The following TRIQK variants were observed in gnomAD, a reference collection of about 807,000 sequenced individuals.
TRIQK encodes the protein triple QxxK/R motif-containing protein.
TRIQK carries 10 observed loss-of-function variants against 10.8 expected under a neutral mutation model. That is an observed-to-expected ratio of 0.92 (90% CI 0.57 to 1.57). The LOEUF (loss-of-function observed/expected upper bound fraction) is 1.57. Among genes scored for constraint, TRIQK ranks in the 40% most tolerant of loss-of-function variants. The pLI, the probability that TRIQK is intolerant of heterozygous loss-of-function variation, is 0.00. For missense variants in TRIQK, 107 were observed against 97.7 expected, an observed-to-expected ratio of 1.09 and a Z score of -0.40; for synonymous variants, 33 against 33.7, an observed-to-expected ratio of 0.98 and a Z score of 0.07.
chr8:92,883,603 G>A lies in TRIQK; in HGVS notation c.*3019C>T, dbSNP rs1816316299. ...TTTATCATTTACACAAAGAAACTGT[G>A]ACAGACTCTGAGAGGACTAAAAGGC... is the stretch of plus-strand genomic sequence containing the variant. On this transcript the variant is annotated 3_prime_UTR_variant, in exon 5 of 5. Transcript: ENST00000521988. 6.6e-6 allele frequency: 1 copy of A among 151,606 alleles called. No homozygotes were observed. The highest frequency in any genetic ancestry group is 1.5e-5 in the Non-Finnish European group (1 of 67,766). The allele number at this position is 151,606 out of a possible 1,614,324, so 9.4% of individuals were successfully genotyped here.
chr8:92,885,925 A>C lies in TRIQK; in HGVS notation c.*697T>G, dbSNP rs1223225417. 6.6e-6 allele frequency: 1 copy of C among 151,734 alleles called. No individual in the cohort carries two copies. Among genetic ancestry groups the C allele is most frequent in the Non-Finnish European group, 1.5e-5 (1 of 67,794 alleles). The allele number at this position is 151,734 out of a possible 1,614,324, so 9.4% of individuals were successfully genotyped here. On this transcript the variant is annotated 3_prime_UTR_variant, in exon 5 of 5. Transcript: ENST00000521988. The stretch of plus-strand genomic sequence containing the variant: ...AATAGAATTCCAAGGTTATATTAAT[A>C]GAGTAATAAGTTAATTAAAACCAAG...
At chr8:92,995,286 C>T (rs1345923437) in intron 1 of TRIQK, among the ~76,000 whole-genome samples, 3 of 151,976 alleles carry the variant, frequency 2.0e-5, no homozygotes, top group Non-Finnish European at 4.4e-5. Flanking sequence ...AGTTCAATGC[C>T]ACTCTGATTC....
At chr8:92,900,351 A>G (rs936655634) in intron 3 of TRIQK, among the ~76,000 whole-genome samples, 1 of 152,090 alleles carries the variant, frequency 6.6e-6, no homozygotes, top group South Asian at 2.1e-4. Context: ...AGTTTCCCCA[A>G]TGATTTCCTT....
At chr8:92,992,954 G>A (rs1345244562) in intron 1 of TRIQK, among the ~76,000 whole-genome samples, 1 of 152,178 alleles carries the variant, frequency 6.6e-6, no homozygotes, top group African/African-American at 2.4e-5. Context: ...CCAGTCAGGA[G>A]AAGAATTGAG....
chr8:92,947,418 A>C lies in TRIQK; in HGVS notation c.-22+6988T>G, dbSNP rs189441482. Among the ~76,000 whole-genome samples the C allele has an allele frequency of 7.9e-5, 12 of 151,688 alleles. 1 individual carries two copies. Among genetic ancestry groups the C allele is most frequent in the African/African-American group, 2.9e-4 (12 of 41,378 alleles). On this transcript the variant is annotated intron_variant, in intron 2 of 4. Coordinates refer to ENST00000521988, the MANE Select transcript of TRIQK (RefSeq NM_001171797.2). Reference sequence around the variant, plus strand: ...GCCAATATGGTGAAACCCTGTCTCTACTAAAAATACAAAAAATTAGCTAGG... The same window carrying C: ...GCCAATATGGTGAAACCCTGTCTCTCCTAAAAATACAAAAAATTAGCTAGG...
intron 3 of TRIQK, among the ~76,000 whole-genome samples, chr8:92,905,500 A>G (rs1193569058): frequency 6.6e-6 from 1 of 152,166 alleles, no homozygotes; most frequent in African/African-American, 2.4e-5. Flanking sequence ...ATTGCGATGG[A>G]GTATATAAAA....
At chr8:92,917,032 T>C (rs1322971621) in intron 2 of TRIQK, 22 bp from the exon 3 acceptor site, 1 of 1,438,230 alleles carries the variant, frequency 7.0e-7, no homozygotes, top group East Asian at 2.6e-5. Context: ...ACAATTATAA[T>C]GAAAATTTTT....
At chr8:92,985,580 A>G (rs17688483) in intron 1 of TRIQK, among the ~76,000 whole-genome samples, 1,792 of 152,318 alleles carry the variant, frequency 0.012, 17 homozygotes, top group Non-Finnish European at 0.018. Flanking sequence ...AGCCAAAGTC[A>G]AACAATCCCA....
Position 92,987,117 on chromosome 8 carries a change from C to T in TRIQK, c.-181+30492G>A, listed in dbSNP as rs567904015. On this transcript the variant is annotated intron_variant, in intron 1 of 4. Transcript: ENST00000520686. Reference sequence around the variant, plus strand: ...TAATTTAACATACTATGGTCACCATCCCTGAATCTAATCAAGTCTGGAATA... The same window carrying T: ...TAATTTAACATACTATGGTCACCATTCCTGAATCTAATCAAGTCTGGAATA... 1.2e-4 allele frequency among the ~76,000 whole-genome samples: 19 copies of T among 152,274 alleles called. 1 individual carries two copies. The highest frequency in any genetic ancestry group is 4.6e-4 in the African/African-American group (19 of 41,568).
chr8:92,989,355 C>T (rs1273832414), intron 1 of TRIQK, among the ~76,000 whole-genome samples: 1 of 152,174 alleles, frequency 6.6e-6, no homozygotes, highest in East Asian at 1.9e-4. Context: ...AGGAACCAGG[C>T]TGCACAGCAG....
intron 1 of TRIQK, among the ~76,000 whole-genome samples, chr8:92,997,265 T>C (rs1194888598): frequency 1.3e-5 from 2 of 152,034 alleles, no homozygotes; most frequent in Non-Finnish European, 2.9e-5. Context: ...AGACTGTGCA[T>C]AGGAACAAGG....
At chr8:92,931,925 A>G (rs1810749427) in intron 2 of TRIQK, among the ~76,000 whole-genome samples, 1 of 152,208 alleles carries the variant, frequency 6.6e-6, no homozygotes, top group African/African-American at 2.4e-5. Flanking sequence ...ACTGCATTTC[A>G]GAAAACAGAT....
chr8:92,997,957 AGT>A (rs1285776313), intron 1 of TRIQK, among the ~76,000 whole-genome samples: 2 of 152,182 alleles, frequency 1.3e-5, no homozygotes, highest in Admixed American at 6.5e-5. Flanking sequence ...GAAATTTAGA[AGT>A]GTTATGGTAC....
chr8:93,015,145 A>G (rs1813372182), intron 1 of TRIQK, among the ~76,000 whole-genome samples: 1 of 151,920 alleles, frequency 6.6e-6, no homozygotes, highest in Non-Finnish European at 1.5e-5. Flanking sequence ...TTATCTATTT[A>G]TAGGTATATG....
At chr8:93,007,907 T>C (rs1371737312) in intron 1 of TRIQK, among the ~76,000 whole-genome samples, 2 of 152,134 alleles carry the variant, frequency 1.3e-5, no homozygotes, top group African/African-American at 4.8e-5. Flanking sequence ...CCATCAATGA[T>C]AGACTGGATA....
intron 2 of TRIQK, among the ~76,000 whole-genome samples, chr8:92,940,828 TCTACTCA>T (rs1811232246): frequency 6.6e-6 from 1 of 152,288 alleles, no homozygotes; most frequent in South Asian, 2.1e-4. Flanking sequence ...GAATATACAT[TCTACTCA>T]ACTGAACATG....
intron 2 of TRIQK, among the ~76,000 whole-genome samples, chr8:92,937,787 T>G (rs1177399383): frequency 6.6e-6 from 1 of 151,908 alleles, no homozygotes; most frequent in Non-Finnish European, 1.5e-5. Context: ...AAAAGTAAAC[T>G]TCCAATCTCA....
intron 1 of TRIQK, among the ~76,000 whole-genome samples, chr8:93,014,585 G>C (rs1373053410): frequency 6.6e-6 from 1 of 151,930 alleles, no homozygotes; most frequent in Non-Finnish European, 1.5e-5. Context: ...TTGCTGTTTA[G>C]AGCACCAACC....
At chr8:92,950,081 G>T (rs1184374035) in intron 2 of TRIQK, among the ~76,000 whole-genome samples, 1 of 151,968 alleles carries the variant, frequency 6.6e-6, no homozygotes, top group Non-Finnish European at 1.5e-5. Flanking sequence ...TCAGCTAAGT[G>T]GCTTCTACAA....
Sources: allele counts gnomAD v4.1 joint callset (sites outside exome capture counted in the v4.1 genomes callset), GRCh38; gene constraint gnomAD v4.1.1; transcripts MANE v1.5; gene names NCBI Gene and HGNC (gene_info 2026-07-23, HGNC 2026-07-21).